Variants in SLC26A7 observed in about 807,000 individuals in gnomAD.
SLC26A7 encodes anion exchange transporter.
A neutral mutation model predicts 82.5 loss-of-function variants in SLC26A7; 59 were observed. The observed-to-expected ratio is 0.72, with a 90% CI of 0.58 to 0.89. SLC26A7 has a LOEUF of 0.89. Ranked by LOEUF, SLC26A7 falls within the 40% of genes least tolerant of loss-of-function variation. The pLI, the probability that SLC26A7 is intolerant of heterozygous loss-of-function variation, is 0.00. For synonymous variants in SLC26A7, 271 were observed against 274.3 expected (o/e 0.99, Z 0.12); for missense variants, 820 against 793.0 (o/e 1.03, Z -0.41).
intron 11 of SLC26A7, among the ~76,000 whole-genome samples, chr8:91,354,175 G>T (rs1030894965): frequency 3.9e-5 from 6 of 152,076 alleles, no homozygotes; most frequent in Non-Finnish European, 2.9e-5. Context: ...TACTCAACAA[G>T]CTACTTGATA....
At chr8:91,271,751 T>G (rs1342411489) in intron 2 of SLC26A7, among the ~76,000 whole-genome samples, 1 of 151,992 alleles carries the variant, frequency 6.6e-6, no homozygotes, top group African/African-American at 2.4e-5. Flanking sequence ...CCTGCCACCA[T>G]GCCCGGCTAA....
chr8:91,232,695 A>G (rs914257308), intron 2 of SLC26A7, among the ~76,000 whole-genome samples: 3 of 152,212 alleles, frequency 2.0e-5, no homozygotes, highest in African/African-American at 4.8e-5. Flanking sequence ...AAATTGGCCT[A>G]TGTCATGGAG....
chr8:91,364,918 T>A (rs1051810561), intron 13 of SLC26A7, among the ~76,000 whole-genome samples: 3 of 152,228 alleles, frequency 2.0e-5, no homozygotes, highest in African/African-American at 7.2e-5. Context: ...AATTATTCAA[T>A]GTTTTGTATA....
intron 2 of SLC26A7, among the ~76,000 whole-genome samples, chr8:91,226,572 A>G (rs1392985034): frequency 6.6e-6 from 1 of 152,260 alleles, no homozygotes; most frequent in Non-Finnish European, 1.5e-5. Flanking sequence ...TTAGATAAAT[A>G]TTAATGAGGA....
intron 15 of SLC26A7, among the ~76,000 whole-genome samples, chr8:91,383,366 G>A (rs6983587): frequency 0.059 from 8,933 of 152,194 alleles, 383 homozygotes; most frequent in African/African-American, 0.13. Flanking sequence ...GTAAACTTAA[G>A]CTAAATAAAG....
chr8:91,393,474 T>C (rs1240276651), intron 16 of SLC26A7, among the ~76,000 whole-genome samples: 1 of 152,148 alleles, frequency 6.6e-6, no homozygotes, highest in Non-Finnish European at 1.5e-5. Context: ...AAATGGGTCC[T>C]TGTCTTCTAT....
At chr8:91,232,444 C>CT (rs1011837498) in intron 2 of SLC26A7, among the ~76,000 whole-genome samples, 1 of 152,120 alleles carries the variant, frequency 6.6e-6, no homozygotes, top group African/African-American at 2.4e-5. Context: ...AAAAAAAGTC[C>CT]TTTTCCACTG....
At chr8:91,320,208 G>A (rs543178311) in intron 5 of SLC26A7, among the ~76,000 whole-genome samples, 5 of 152,138 alleles carry the variant, frequency 3.3e-5, no homozygotes, top group Admixed American at 2.0e-4. Context: ...GACTACCAGT[G>A]CGTGCCACTG....
At chr8:91,340,770 G>A in intron 8 of SLC26A7, 1 of 515,234 alleles carries the variant, frequency 1.9e-6, no homozygotes, top group South Asian at 2.2e-5. Flanking sequence ...AAAATAGAAG[G>A]CATCATGATG....
intron 2 of SLC26A7, among the ~76,000 whole-genome samples, chr8:91,252,893 G>A (rs1302629582): frequency 6.6e-6 from 1 of 152,038 alleles, no homozygotes; most frequent in Non-Finnish European, 1.5e-5. Flanking sequence ...AGGTATTAAT[G>A]CCCAAGGCAA....
rs1808535065 is a variant in SLC26A7, at chr8:91,395,186, G to C, written c.*89G>C. ...TTTTGCACAACTTTTTGGTTGTTTA[G>C]ATCCTACAGATGACCTCTGCTACAA... On this transcript the variant is annotated 3_prime_UTR_variant, in exon 19 of 19. Coordinates refer to ENST00000276609, the MANE Select transcript of SLC26A7 (RefSeq NM_052832.4). The C allele has an allele frequency of 6.3e-7, 1 of 1,594,602 alleles. No individual in the cohort carries two copies. The highest frequency in any genetic ancestry group is 1.3e-5 in the African/African-American group (1 of 74,304).
chr8:91,246,664 C>G (rs532571226), upstream of SLC26A7, among the ~76,000 whole-genome samples: 1 of 151,034 alleles, frequency 6.6e-6, no homozygotes, highest in South Asian at 2.1e-4. Context: ...TGTGCCATCG[C>G]ACTCCGGCCT....
chr8:91,279,872 T>A (rs1811522519), intron 2 of SLC26A7, among the ~76,000 whole-genome samples: 1 of 152,174 alleles, frequency 6.6e-6, no homozygotes, highest in Non-Finnish European at 1.5e-5. Flanking sequence ...ATTTTTTATT[T>A]TAATATACCT....
At position 91,352,950 on chromosome 8, in the gene SLC26A7, A is replaced by G. The variant is rs937925687; in HGVS notation, c.1268A>G (p.Gln423Arg). ...IVVGLKGMLI[Q>R]FRDLKKYWNV... ...GTGGGACTGAAGGGAATGCTAATAC[A>G]GTTCCGAGATTTAAAAAAATATTGG... The change falls in exon 11 of 19, where the codon CAG becomes CGG. Residue 423 changes from glutamine to arginine, a missense_variant. Coordinates refer to ENST00000276609, the MANE Select transcript of SLC26A7 (RefSeq NM_052832.4). 1 of 1,608,880 alleles carries G rather than the reference A, an allele frequency of 6.2e-7. No homozygotes were observed. The highest frequency in any genetic ancestry group is 1.7e-5 in the Admixed American group (1 of 59,136).
intron 2 of SLC26A7, among the ~76,000 whole-genome samples, chr8:91,225,317 T>A (rs1430991050): frequency 3.3e-5 from 5 of 152,104 alleles, no homozygotes; most frequent in African/African-American, 9.7e-5. Flanking sequence ...GCAAGTGGGA[T>A]CTTCTGATCT....
rs534001935 is a variant in SLC26A7 at position 91,322,891 on chromosome 8, G to A, written c.642+4511G>A. On this transcript the variant is annotated intron_variant, in intron 5 of 18. Coordinates refer to ENST00000276609, the MANE Select transcript of SLC26A7 (RefSeq NM_052832.4). Reference sequence around the variant, plus strand: ...CTCACCCCCCACCCCTGAAGTACAAGCAAAGTACTTTTCTAGTTTGGACTG... The same window carrying A: ...CTCACCCCCCACCCCTGAAGTACAAACAAAGTACTTTTCTAGTTTGGACTG... 2.4e-4 allele frequency among the ~76,000 whole-genome samples: 36 copies of A among 152,186 alleles called. 2 individuals carry two copies. In the South Asian group the frequency reaches 7.5e-3, roughly 32 times the overall value.
At position 91,318,359 on chromosome 8, in the gene SLC26A7, C is replaced by T. The variant is rs147941350; in HGVS notation, c.621C>T (p.Ser207=). 202 of 1,606,670 alleles carry T rather than the reference C, an allele frequency of 1.3e-4. No homozygotes were observed. The African/African-American group carries it at 1.4e-3, about 11-fold the overall frequency. The change falls in exon 5 of 19, where the codon TCC becomes TCT. Residue 207 remains serine (S), a synonymous_variant. Transcript: ENST00000276609. ...TGGGAATGAAAATGCCATATATATC[C>T]GGACCACTTGGATTCTTTTATGTGA... The part of the protein sequence containing the change: ...YLLGMKMPYI[S]GPLGFFYIYA...
chr8:91,345,418 C>A (rs1813535934), intron 9 of SLC26A7, among the ~76,000 whole-genome samples: 1 of 152,190 alleles, frequency 6.6e-6, no homozygotes, highest in African/African-American at 2.4e-5. Context: ...AACTTGACCT[C>A]TCTGGCATAA....
chr8:91,321,502 C>T (rs914255402), intron 5 of SLC26A7, among the ~76,000 whole-genome samples: 4 of 152,196 alleles, frequency 2.6e-5, no homozygotes, highest in Admixed American at 6.6e-5. Flanking sequence ...CTAAGGCTTT[C>T]CCCTAGAACT....
Sources: allele counts gnomAD v4.1 joint callset (sites outside exome capture counted in the v4.1 genomes callset), GRCh38; gene constraint gnomAD v4.1.1; transcripts MANE v1.5; gene names NCBI Gene and HGNC (gene_info 2026-07-23, HGNC 2026-07-21).